Variants in CADM1 observed in about 807,000 individuals in gnomAD.
CADM1 encodes the protein TSLC-1.
A neutral mutation model predicts 53.1 loss-of-function variants in CADM1; 15 were observed. That is an observed-to-expected ratio of 0.28 (90% CI 0.19 to 0.44). The LOEUF is 0.44. Among genes scored for constraint, CADM1 ranks in the 20% least tolerant of loss-of-function variants. The pLI, the probability that CADM1 is intolerant of heterozygous loss-of-function variation, is 1.00. For missense variants in CADM1, 434 were observed against 611.3 expected, an observed-to-expected ratio of 0.71 and a Z score of 3.06; for synonymous variants, 281 against 243.0, an observed-to-expected ratio of 1.16 and a Z score of -1.45.
chr11:115,275,781 T>G (rs1289374209), intron 1 of CADM1, among the ~76,000 whole-genome samples: 1 of 152,184 alleles, frequency 6.6e-6, no homozygotes, highest in East Asian at 1.9e-4. Context: ...AAGAATGCGT[T>G]AGAGGATAAT....
intron 1 of CADM1, among the ~76,000 whole-genome samples, chr11:115,413,718 C>G (rs1434907196): frequency 6.8e-6 from 1 of 147,376 alleles, no homozygotes; most frequent in Non-Finnish European, 1.5e-5. Context: ...AATCTTGGCT[C>G]ACTGCAACCT....
intron 1 of CADM1, among the ~76,000 whole-genome samples, chr11:115,363,935 T>G (rs1476795587): frequency 2.0e-5 from 3 of 152,170 alleles, no homozygotes. Context: ...ACTATATTCA[T>G]TACAGTAACA....
chr11:115,259,182 C>T (rs1301797091), intron 1 of CADM1, among the ~76,000 whole-genome samples: 2 of 150,932 alleles, frequency 1.3e-5, no homozygotes, highest in Non-Finnish European at 2.9e-5. Flanking sequence ...GACAGAGTTT[C>T]ACAATGTTGG....
chr11:115,284,114 C>CTCTCTCTCTCTGTGTG (rs1351842329), intron 1 of CADM1, among the ~76,000 whole-genome samples: 7 of 98,616 alleles, frequency 7.1e-5, no homozygotes, highest in Non-Finnish European at 1.1e-4. Context: ...CTCTCTCTCT[C>CTCTCTCTCTCTGTGTG]TGTGTGTGTG....
rs769548989 is a variant in CADM1, at chr11:115,176,608, G to A, written c.1298-16C>T. The A allele has an allele frequency of 1.1e-5, 18 of 1,604,068 alleles. No individual in the cohort carries two copies. Among genetic ancestry groups the A allele is most frequent in the Non-Finnish European group, 1.5e-5 (17 of 1,170,974 alleles). ...AAGTATGTACCTGAAAGATGAAGGG[G>A]TAAAGCACCGTGACTGTCTGATGGC... On this transcript the variant is annotated splice_polypyrimidine_tract_variant and intron_variant, in intron 11 of 11. Coordinates refer to ENST00000331581, the MANE Select transcript of CADM1 (RefSeq NM_001301043.2).
intron 1 of CADM1, among the ~76,000 whole-genome samples, chr11:115,402,602 T>C (rs1427618031): frequency 1.3e-5 from 2 of 151,696 alleles, no homozygotes; most frequent in African/African-American, 4.8e-5. Context: ...CACAGAAAAA[T>C]AGGCAAAGGA....
intron 5 of CADM1, among the ~76,000 whole-genome samples, chr11:115,221,080 G>A (rs117319529): frequency 1.3e-5 from 2 of 152,132 alleles, no homozygotes; most frequent in African/African-American, 2.4e-5. Context: ...TTTACGCCTC[G>A]GTTGGTGTTG....
chr11:115,262,499 A>G (rs934314221), intron 1 of CADM1, among the ~76,000 whole-genome samples: 58 of 152,226 alleles, frequency 3.8e-4, no homozygotes, highest in African/African-American at 1.2e-3. Flanking sequence ...GTGTGTTTCC[A>G]TAAGCACCTC....
chr11:115,425,501 G>A (rs142298163), intron 1 of CADM1, among the ~76,000 whole-genome samples: 157 of 152,296 alleles, frequency 1.0e-3, no homozygotes, highest in Non-Finnish European at 1.8e-3. Context: ...TAACCGCATC[G>A]TAACGAGACA....
chr11:115,323,121 A>C (rs1944866503), intron 1 of CADM1, among the ~76,000 whole-genome samples: 1 of 152,096 alleles, frequency 6.6e-6, no homozygotes, highest in Non-Finnish European at 1.5e-5. Flanking sequence ...GTTAAATTCT[A>C]GCTATCCTAC....
chr11:115,295,412 A>G (rs2135120134), intron 1 of CADM1, among the ~76,000 whole-genome samples: 1 of 150,444 alleles, frequency 6.6e-6, no homozygotes, highest in Non-Finnish European at 1.5e-5. Context: ...TGCCCTGGTT[A>G]AAGTACTCAG....
chr11:115,404,656 G>A (rs1199276161), intron 1 of CADM1, among the ~76,000 whole-genome samples: 2 of 149,268 alleles, frequency 1.3e-5, no homozygotes, highest in South Asian at 2.1e-4. Context: ...CATATAACCC[G>A]CAAGGATTAG....
chr11:115,385,633 GA>G (rs3045733), intron 1 of CADM1, among the ~76,000 whole-genome samples: 45,729 of 111,342 alleles, frequency 0.41, 7,886 homozygotes, highest in Non-Finnish European at 0.5. Context: ...AAGGATTAAA[GA>G]AAAAAAAAAA....
In CADM1 at chr11:115,176,496, T is replaced by G; in HGVS notation, c.1394A>C (p.Glu465Ala). 6.2e-7 allele frequency: 1 copy of G among 1,614,102 alleles called. No homozygotes were observed. Among genetic ancestry groups the G allele is most frequent in the Non-Finnish European group, 8.5e-7 (1 of 1,179,952 alleles). ...GATCTAGATGAAGTACTCTTTCTTT[T>G]CTTCGGAGTTGTTCTGTCCTCCTTC... ...NAEGGQNNSEEKKEYFI is the reference protein window; with the variant it reads ...NAEGGQNNSEAKKEYFI The change falls in exon 12 of 12, where the codon GAA becomes GCA. Residue 465 changes from glutamate (E) to alanine (A), a missense_variant. By Grantham distance (107) the Glu-to-Ala change is moderately radical. This residue lies in a region of CADM1 where 16 missense variants were observed against 41.8 expected (regional missense o/e 0.38). Transcript: ENST00000331581.
At chr11:115,372,369 C>A (rs949665795) in intron 1 of CADM1, among the ~76,000 whole-genome samples, 5 of 152,024 alleles carry the variant, frequency 3.3e-5, no homozygotes, top group Admixed American at 1.3e-4. Flanking sequence ...ACTTTGAATT[C>A]TTTCTTTTTA....
At chr11:115,199,809 C>A (rs1480006338) in intron 8 of CADM1, among the ~76,000 whole-genome samples, 1 of 152,208 alleles carries the variant, frequency 6.6e-6, no homozygotes, top group Admixed American at 6.5e-5. Context: ...GGTTAAACTG[C>A]AAGCAAGCAG....
chr11:115,211,170 A>G (rs961205819), intron 7 of CADM1, among the ~76,000 whole-genome samples: 8 of 139,396 alleles, frequency 5.7e-5, no homozygotes, highest in Non-Finnish European at 1.0e-4. Flanking sequence ...GCTCCTTCAC[A>G]CTTTTTATGG....
chr11:115,229,009 T>G (rs1941718362), intron 5 of CADM1, 104 bp downstream of exon 5: 1 of 1,043,706 alleles, frequency 9.6e-7, no homozygotes, highest in South Asian at 1.3e-5. Flanking sequence ...AAATAAGAAT[T>G]CTATGTATAC....
chr11:115,358,987 A>G (rs1945955695), intron 1 of CADM1, among the ~76,000 whole-genome samples: 1 of 152,240 alleles, frequency 6.6e-6, no homozygotes, highest in Non-Finnish European at 1.5e-5. Context: ...CATATCAAGC[A>G]AACAAAACCA....
Sources: gnomAD v4.1 joint callset for allele counts (sites outside exome capture counted in the v4.1 genomes callset) on GRCh38, gnomAD v4.1.1 for gene constraint, gnomAD v4.1.1 regional missense constraint, MANE v1.5 for transcripts, NCBI Gene and HGNC (gene_info 2026-07-23, HGNC 2026-07-21) for gene names.